PCDH15: variants seen among roughly 807,000 people sequenced by gnomAD.
PCDH15 encodes the protein protocadherin related 15, also known as protocadherin-15.
Under a neutral mutation model 178.5 loss-of-function variants are expected in PCDH15, and 129 were observed. The observed-to-expected ratio is 0.72, with a 90% confidence interval of 0.63 to 0.84. The LOEUF is 0.84. Among genes scored for constraint, PCDH15 ranks in the 40% least tolerant of loss-of-function variants. The pLI is 0.00. For synonymous variants in PCDH15, 800 were observed against 732.0 expected (o/e 1.09, Z -1.50); for missense variants, 2,230 against 2,099.9 (o/e 1.06, Z -1.21).
chr10:54,697,854 C>T (rs1332113096), intron 1 of PCDH15, among the ~76,000 whole-genome samples: 3 of 151,956 alleles, frequency 2.0e-5, no homozygotes, highest in Admixed American at 6.6e-5. Flanking sequence ...TACATAAAAA[C>T]GTTCTCACCT....
chr10:55,624,550 G>C (rs1166731694), intron 2 of PCDH15, among the ~76,000 whole-genome samples: 1 of 152,104 alleles, frequency 6.6e-6, no homozygotes, highest in Admixed American at 6.5e-5. Flanking sequence ...GATATGTGAT[G>C]CTGCACTGTT....
chr10:55,027,603 G>T (rs1840505206), intron 2 of PCDH15, among the ~76,000 whole-genome samples: 1 of 151,748 alleles, frequency 6.6e-6, no homozygotes, highest in Non-Finnish European at 1.5e-5. Context: ...TTGAAATAAA[G>T]AATGTTACAT....
At chr10:54,756,054 AAAACACACACACACACAC>A (rs1947044649) in intron 1 of PCDH15, among the ~76,000 whole-genome samples, 1 of 111,964 alleles carries the variant, frequency 8.9e-6, no homozygotes, top group Non-Finnish European at 1.8e-5. Context: ...GTCTCTACTA[AAAACACACACACACACAC>A]ACACACACAC....
At chr10:55,322,225 G>A (rs1025052749), upstream of PCDH15, among the ~76,000 whole-genome samples, 1 of 152,138 alleles carries the variant, frequency 6.6e-6, no homozygotes, top group African/African-American at 2.4e-5. Context: ...CATGTAAGAG[G>A]TGCCTTTGCT....
intron 13 of PCDH15, among the ~76,000 whole-genome samples, chr10:54,183,030 G>A (rs998449900): frequency 6.6e-6 from 1 of 151,544 alleles, no homozygotes; most frequent in Non-Finnish European, 1.5e-5. Flanking sequence ...TGCCCAGGCT[G>A]GAGTGTGATG....
intron 2 of PCDH15, among the ~76,000 whole-genome samples, chr10:55,464,654 A>ATATATATG (rs1158900692): frequency 1.4e-4 from 2 of 13,812 alleles, no homozygotes; most frequent in Non-Finnish European, 1.9e-4. Context: ...ATATATATAT[A>ATATATATG]TGTGTGTGTG....
intron 2 of PCDH15, among the ~76,000 whole-genome samples, chr10:55,562,914 CTT>C (rs1234153714): frequency 1.3e-5 from 2 of 152,092 alleles, no homozygotes; most frequent in East Asian, 3.9e-4. Flanking sequence ...TGATACAACT[CTT>C]TTGGAATTCT....
chr10:54,256,246 T>C (rs898340957), intron 8 of PCDH15, among the ~76,000 whole-genome samples: 3 of 152,050 alleles, frequency 2.0e-5, no homozygotes, highest in African/African-American at 7.2e-5. Flanking sequence ...GACCCTGGAG[T>C]GCAATGGCAG....
intron 2 of PCDH15, among the ~76,000 whole-genome samples, chr10:55,052,017 A>G (rs1191569562): frequency 6.6e-6 from 1 of 152,144 alleles, no homozygotes; most frequent in Non-Finnish European, 1.5e-5. Context: ...AAAAGATAAG[A>G]ATTTGTAAAA....
chr10:55,120,806 A>G (rs1244928147), intron 2 of PCDH15, among the ~76,000 whole-genome samples: 5 of 152,200 alleles, frequency 3.3e-5, no homozygotes, highest in Non-Finnish European at 7.3e-5. Context: ...TACTTGCCAG[A>G]AAGCAGAATT....
intron 1 of PCDH15, among the ~76,000 whole-genome samples, chr10:54,727,605 T>C (rs1038813672): frequency 2.6e-5 from 4 of 151,016 alleles, no homozygotes; most frequent in African/African-American, 9.8e-5. Context: ...AGACCTGAAC[T>C]GAACAAAACT....
intron 25 of PCDH15, among the ~76,000 whole-genome samples, chr10:53,909,168 A>G (rs528218033): frequency 6.6e-6 from 1 of 151,910 alleles, no homozygotes; most frequent in Admixed American, 6.5e-5. Context: ...ACGAAATCCA[A>G]TGGTTTTATA....
At chr10:55,289,032 T>C (rs1816283652) in intron 1 of PCDH15, among the ~76,000 whole-genome samples, 2 of 152,066 alleles carry the variant, frequency 1.3e-5, no homozygotes, top group South Asian at 4.1e-4. Context: ...ATTCTAAATA[T>C]TTACTTACCA....
At chr10:55,542,425 T>C (rs1051844717) in intron 2 of PCDH15, among the ~76,000 whole-genome samples, 1 of 151,050 alleles carries the variant, frequency 6.6e-6, no homozygotes, top group African/African-American at 2.4e-5. Flanking sequence ...ATATGTACAG[T>C]ATGTCTACAG....
chr10:55,237,399 A>G (rs948917389), intron 1 of PCDH15, among the ~76,000 whole-genome samples: 8 of 152,262 alleles, frequency 5.3e-5, no homozygotes, highest in South Asian at 2.1e-4. Context: ...AACTAACTTT[A>G]ACTCATAAAG....
intron 6 of PCDH15, among the ~76,000 whole-genome samples, chr10:54,343,860 CAGAA>C (rs1371595555): frequency 5.2e-5 from 7 of 135,108 alleles, no homozygotes; most frequent in African/African-American, 2.2e-4. Context: ...TGCAACAAAA[CAGAA>C]AGGCTCAATT....
At chr10:55,148,703 T>C (rs1838602052) in intron 2 of PCDH15, among the ~76,000 whole-genome samples, 1 of 151,716 alleles carries the variant, frequency 6.6e-6, no homozygotes, top group South Asian at 2.1e-4. Flanking sequence ...CTATGTCATT[T>C]AATTGTTTGA....
At chr10:55,552,796 C>G (rs750890322) in intron 2 of PCDH15, among the ~76,000 whole-genome samples, 1 of 151,210 alleles carries the variant, frequency 6.6e-6, no homozygotes, top group African/African-American at 2.4e-5. Context: ...AATATATGTA[C>G]TAAAAGAGAA....
chr10:55,284,937 C>CA lies in PCDH15; in HGVS notation c.-156+34661dup, dbSNP rs145410512. Among the ~76,000 whole-genome samples the CA allele has an allele frequency of 9.7e-3, 1,472 of 151,696 alleles. 24 individuals are homozygous for CA. Among genetic ancestry groups the CA allele is most frequent in the African/African-American group, 0.032 (1,342 of 41,438 alleles). Reference sequence around the variant, plus strand: ...AGTCTAGATAAAGAAAAGAAATAGTCAAAGACGGTATAAACAACAAAGGGA... The same window carrying CA: ...AGTCTAGATAAAGAAAAGAAATAGTCAAAAGACGGTATAAACAACAAAGGGA... On this transcript the variant is annotated intron_variant, in intron 1 of 5. Transcript: ENST00000458638.
Sources: allele counts gnomAD v4.1 joint callset (sites outside exome capture counted in the v4.1 genomes callset), GRCh38; gene constraint gnomAD v4.1.1; transcripts MANE v1.5; gene names NCBI Gene and HGNC (gene_info 2026-07-23, HGNC 2026-07-21).